RC3H1: variants seen among roughly 807,000 people sequenced by gnomAD.
RC3H1 encodes ring finger and CCCH-type domains 1.
A neutral mutation model predicts 138.2 loss-of-function variants in RC3H1; 50 were observed. The ratio of observed to expected loss-of-function variants is 0.36; its 90% confidence interval spans 0.29 to 0.46. The LOEUF is 0.46. Among genes scored for constraint, RC3H1 ranks in the 20% least tolerant of loss-of-function variants. The pLI, the probability that RC3H1 is intolerant of heterozygous loss-of-function variation, is 1.00. For missense variants in RC3H1, 1,031 were observed against 1,388.1 expected, an observed-to-expected ratio of 0.74 and a Z score of 4.09; for synonymous variants, 462 against 489.1, an observed-to-expected ratio of 0.94 and a Z score of 0.73.
At chr1:174,002,375 G>A (rs541820610) in intron 1 of RC3H1, among the ~76,000 whole-genome samples, 13 of 152,174 alleles carry the variant, frequency 8.5e-5, no homozygotes, top group Non-Finnish European at 1.5e-4. Flanking sequence ...ACCTGTGCCT[G>A]ATAAATTTAT....
intron 1 of RC3H1, among the ~76,000 whole-genome samples, chr1:174,006,210 ATAAATAAATAAG>A (rs1459965005): frequency 6.6e-6 from 1 of 152,162 alleles, no homozygotes; most frequent in Non-Finnish European, 1.5e-5. Context: ...CCATCTCAAA[ATAAATAAATAAG>A]TAAATAAATA....
chr1:173,956,013 C>T (rs1332762350), intron 13 of RC3H1, among the ~76,000 whole-genome samples: 4 of 151,782 alleles, frequency 2.6e-5, no homozygotes, highest in Non-Finnish European at 5.9e-5. Flanking sequence ...TGCCTGTAAT[C>T]CCAGCTACTC....
rs1658855450 is a variant in RC3H1, at chr1:173,941,430, A to T, written c.3136-50T>A. 4.5e-6 allele frequency: 5 copies of T among 1,116,732 alleles called. No homozygotes were observed. In the South Asian group the frequency reaches 5.1e-5, roughly 11 times the overall value. 69.2% of individuals were successfully genotyped at this position (1,116,732 alleles called of 1,614,324 possible). ...CAGTTATCATCTATTTAATGGTGTTAATGGGAGAGACCAAATTACAGATAA... is the reference window on the plus strand; with the variant it reads ...CAGTTATCATCTATTTAATGGTGTTTATGGGAGAGACCAAATTACAGATAA... On this transcript the variant is annotated intron_variant, in intron 18 of 19. Transcript: ENST00000367696.
chr1:173,954,807 A>T (rs1195205621), intron 13 of RC3H1, among the ~76,000 whole-genome samples: 1 of 152,204 alleles, frequency 6.6e-6, no homozygotes, highest in Non-Finnish European at 1.5e-5. Context: ...TTTTTTAAGA[A>T]AACAGAAACA....
At chr1:173,983,397 T>C in intron 4 of RC3H1, 21 bp downstream of exon 4, 1 of 1,613,062 alleles carries the variant, frequency 6.2e-7, no homozygotes, top group African/African-American at 1.3e-5. Context: ...GCAGAATAAA[T>C]ACCTAAAGTT....
intron 1 of RC3H1, among the ~76,000 whole-genome samples, chr1:174,003,863 G>T (rs993635342): frequency 4.6e-5 from 7 of 151,350 alleles, no homozygotes; most frequent in African/African-American, 1.5e-4. Flanking sequence ...GGGTTTCACC[G>T]TGTTAGCCAG....
Position 173,937,811 on chromosome 1 carries a change from A to G in RC3H1, c.*910T>C, listed in dbSNP as rs1658668157. 1 of 152,224 alleles carries G rather than the reference A, an allele frequency of 6.6e-6. No individual in the cohort carries two copies. 9.4% of individuals were successfully genotyped at this position (152,224 alleles called of 1,614,324 possible). On this transcript the variant is annotated 3_prime_UTR_variant, in exon 20 of 20. Transcript: ENST00000367696. ...TTTTTAGCATCCTATGATGTCAGCA[A>G]AAGTTTAATTTGAAAAGCACTGCTT...
chr1:173,970,474 T>C (rs1192598572), intron 9 of RC3H1, 31 bp downstream of exon 9: 1 of 1,421,830 alleles, frequency 7.0e-7, no homozygotes, highest in Admixed American at 1.7e-5. Context: ...ACTTACACCT[T>C]ATTCCAAAGT....
chr1:173,953,092 T>C (rs995867612), intron 13 of RC3H1, among the ~76,000 whole-genome samples: 6 of 152,218 alleles, frequency 3.9e-5, no homozygotes, highest in African/African-American at 1.2e-4. Flanking sequence ...TGCATTGACA[T>C]AGGGTCTGCT....
intron 1 of RC3H1, among the ~76,000 whole-genome samples, chr1:174,021,254 T>G (rs1192823717): frequency 3.3e-5 from 5 of 152,178 alleles, no homozygotes; most frequent in African/African-American, 1.2e-4. Context: ...ACATTACAGT[T>G]TGTCTCCGCG....
intron 8 of RC3H1, among the ~76,000 whole-genome samples, chr1:173,971,523 A>G (rs1342045485): frequency 6.6e-6 from 1 of 152,220 alleles, no homozygotes; most frequent in Non-Finnish European, 1.5e-5. Flanking sequence ...TAACTCAAGG[A>G]TAAGGCAGGA....
chr1:173,971,582 CA>C lies in RC3H1; in HGVS notation c.1221+926del, dbSNP rs1372685965. On this transcript the variant is annotated intron_variant, in intron 8 of 19. Coordinates refer to ENST00000367696, the MANE Select transcript of RC3H1 (RefSeq NM_172071.4). ...ATATGAGACACAACACTAAACTGGA[CA>C]AAATTTAGTGTATTTTATCACTATA... Among the ~76,000 whole-genome samples the C allele has an allele frequency of 2.6e-5, 4 of 152,078 alleles. No homozygotes were observed. In the East Asian group the frequency reaches 7.7e-4, roughly 29 times the overall value.
At chr1:174,021,389 T>G (rs961448968) in intron 1 of RC3H1, among the ~76,000 whole-genome samples, 1 of 152,226 alleles carries the variant, frequency 6.6e-6, no homozygotes, top group African/African-American at 2.4e-5. Flanking sequence ...CTGATGTTTA[T>G]AGAACTGATA....
chr1:174,014,525 C>T (rs12072553), intron 1 of RC3H1, among the ~76,000 whole-genome samples: 7,918 of 152,218 alleles, frequency 0.052, 666 homozygotes, highest in African/African-American at 0.18. Flanking sequence ...CCCAAAAGTA[C>T]ACATACAGTT....
chr1:173,980,295 G>A (rs1044601419), intron 6 of RC3H1, among the ~76,000 whole-genome samples: 17 of 150,248 alleles, frequency 1.1e-4, no homozygotes, highest in African/African-American at 4.1e-4. Flanking sequence ...GAATAGTCTG[G>A]TAAAAGGTTA....
At chr1:173,961,616 CTT>C (rs1267648525) in intron 12 of RC3H1, 107 bp downstream of exon 12, 7 of 1,032,988 alleles carry the variant, frequency 6.8e-6, no homozygotes, top group Non-Finnish European at 9.5e-6. Flanking sequence ...AAGAAGCTCT[CTT>C]ATAAAAAAGA....
Position 173,983,446 on chromosome 1 carries a change from C to T in RC3H1, c.564G>A (p.Arg188=). ...QLSSNLWAAV[R]ARGCQFLGPA... ...GTCCAAGGAACTGGCATCCCCTAGC[C>T]CTTACTGCTGCCCAAAGATTGGAAG... Residue 188 remains arginine (R), a synonymous_variant, in exon 4 of 20, where the codon AGG becomes AGA. Transcript: ENST00000367696. The T allele has an allele frequency of 1.2e-6, 2 of 1,614,178 alleles. No homozygotes were observed. The highest frequency in any genetic ancestry group is 8.5e-7 in the Non-Finnish European group (1 of 1,180,026).
intron 2 of RC3H1, among the ~76,000 whole-genome samples, chr1:173,989,205 G>T (rs894226541): frequency 1.6e-4 from 25 of 151,678 alleles, no homozygotes; most frequent in African/African-American, 5.6e-4. Flanking sequence ...GCAATTTTTT[G>T]TTGTTGTTGT....
At chr1:173,969,847 G>C (rs1211782421) in intron 9 of RC3H1, among the ~76,000 whole-genome samples, 1 of 151,642 alleles carries the variant, frequency 6.6e-6, no homozygotes, top group Admixed American at 6.6e-5. Flanking sequence ...CTGAGCCAAG[G>C]GCAAAATTTT....
Sources: allele counts gnomAD v4.1 joint callset (sites outside exome capture counted in the v4.1 genomes callset), GRCh38; gene constraint gnomAD v4.1.1; transcripts MANE v1.5; gene names NCBI Gene and HGNC (gene_info 2026-07-23, HGNC 2026-07-21).